TAF1: variants seen among roughly 807,000 people sequenced by gnomAD.
TAF1 encodes TATA-box binding protein associated factor 1.
A neutral mutation model predicts 138.5 loss-of-function variants in TAF1; 2 were observed. The observed-to-expected ratio is 0.01, with a 90% CI of 0.01 to 0.05. The LOEUF (loss-of-function observed/expected upper bound fraction) is 0.05, where lower values mean the gene tolerates loss of function less well. Ranked by LOEUF, TAF1 falls within the 10% of genes least tolerant of loss-of-function variation. The probability of loss-of-function intolerance (pLI) is 1.00; values close to 1 mark genes in which losing one functional copy is unlikely to be tolerated. For synonymous variants in TAF1, 437 were observed against 503.2 expected, an observed-to-expected ratio of 0.87 and a Z score of 1.76; for missense variants, 709 against 1,478.0, an observed-to-expected ratio of 0.48 and a Z score of 8.53.
intron 3 of TAF1, among the ~76,000 whole-genome samples, chrX:71,371,418 G>T (rs893195115): frequency 2.7e-5 from 3 of 111,606 alleles, no homozygotes; most frequent in Non-Finnish European, 5.6e-5. Flanking sequence ...GCAAGGTTTG[G>T]TGGAGAAGGA....
Position 71,459,584 on chromosome X carries a change from TGAAGAG to T in TAF1, c.5102_5107del (p.Glu1701_Glu1702del). 1 of 1,210,733 alleles carries T rather than the reference TGAAGAG, an allele frequency of 8.3e-7. No homozygotes were observed. On this transcript the variant is annotated inframe_deletion, in exon 36 of 38. Coordinates refer to ENST00000423759, the MANE Select transcript of TAF1 (RefSeq NM_004606.5). ...AAGATGGAGATGGTGATCTTGCAGA[TGAAGAG>T]GAAGGAACTGTACAACAGCCTCAAG...
chrX:71,432,656 A>G (rs1029464860), intron 32 of TAF1, among the ~76,000 whole-genome samples: 1 of 110,607 alleles, frequency 9.0e-6, no homozygotes, highest in Non-Finnish European at 1.9e-5. Context: ...AATTGAGGGT[A>G]TTAGCAAAAA....
chrX:71,374,944 G>T (rs1450707981), intron 3 of TAF1, among the ~76,000 whole-genome samples: 2 of 108,921 alleles, frequency 1.8e-5, no homozygotes, highest in African/African-American at 6.7e-5. Flanking sequence ...AATTAGCTGG[G>T]CGTGGTGGCA....
rs762112658 is a variant in TAF1 at position 71,460,792 on chromosome X, T to C, written c.5388T>C (p.Asp1796=). 4 of 1,187,491 alleles carry C rather than the reference T, an allele frequency of 3.4e-6. No homozygotes were observed. The East Asian group carries it at 1.2e-4, about 36-fold the overall frequency. ...DGGEASHGLE[D]SNISYGSYEE... ...GGGAGGCTTCCCATGGTTTGGAGGATAGCAACATCAGGTAATCGACAGCAA... is the reference window on the plus strand; with the variant it reads ...GGGAGGCTTCCCATGGTTTGGAGGACAGCAACATCAGGTAATCGACAGCAA... The change falls in exon 37 of 38, where the codon GAT becomes GAC. Residue 1796 remains aspartate (D), a synonymous_variant. Transcript: ENST00000423759.
chrX:71,388,132 A>G (rs1025904339), intron 15 of TAF1, 105 bp from the exon 16 acceptor site: 19 of 1,080,910 alleles, frequency 1.8e-5, no homozygotes, highest in East Asian at 3.2e-5. Flanking sequence ...TTGGGAGCAC[A>G]TCGGGAAAGA....
intron 13 of TAF1, among the ~76,000 whole-genome samples, chrX:71,520,552 G>A (rs1340396083): frequency 1.3e-5 from 1 of 78,832 alleles, no homozygotes; most frequent in Non-Finnish European, 2.4e-5. Context: ...TGTGGGGGTG[G>A]GCACCTGTAA....
intron 5 of TAF1, 41 bp from the exon 6 acceptor site, chrX:71,377,562 G>T (rs1420250523): frequency 1.7e-6 from 2 of 1,182,822 alleles, no homozygotes; most frequent in East Asian, 3.0e-5. Context: ...TTTCCCATCT[G>T]ACTTTGAGTC....
At chrX:71,432,073 G>GT (rs2036918607) in intron 32 of TAF1, among the ~76,000 whole-genome samples, 1 of 111,301 alleles carries the variant, frequency 9.0e-6, no homozygotes, top group South Asian at 3.8e-4. Context: ...GTTATTAGAA[G>GT]TTATTAGAGG....
At chrX:71,381,646 A>G in intron 8 of TAF1, 97 bp from the exon 9 acceptor site, 2 of 970,296 alleles carry the variant, frequency 2.1e-6, no homozygotes, top group Non-Finnish European at 2.9e-6. Context: ...AACTCGCTCT[A>G]CTAACATGAG....
At chrX:71,459,778 C>T (rs1316162612) in intron 36 of TAF1, 70 bp downstream of exon 36, 10 of 1,165,635 alleles carry the variant, frequency 8.6e-6, no homozygotes, top group Admixed American at 2.6e-5. Flanking sequence ...ACTGGATAGG[C>T]GCTCTTGGCC....
intron 13 of TAF1, among the ~76,000 whole-genome samples, chrX:71,474,990 C>T (rs968360174): frequency 9.0e-6 from 1 of 111,531 alleles, no homozygotes; most frequent in Admixed American, 9.6e-5. Context: ...GAGTGGAATT[C>T]TTCCAGGTTT....
Position 71,460,762 on chromosome X carries a change from C to T in TAF1, c.5358C>T (p.Asp1786=), listed in dbSNP as rs769031881. ...NEESMMSYEG[D]GGEASHGLED... ...AAAGCATGATGTCCTATGAGGGAGA[C>T]GGTGGGGAGGCTTCCCATGGTTTGG... is the stretch of plus-strand genomic sequence containing the variant. Residue 1786 remains aspartate (D), a synonymous_variant, in exon 37 of 38, where the codon GAC becomes GAT. Coordinates refer to ENST00000423759, the MANE Select transcript of TAF1 (RefSeq NM_004606.5). The T allele has an allele frequency of 6.7e-6, 8 of 1,198,809 alleles. No individual in the cohort carries two copies. Among genetic ancestry groups the T allele is most frequent in the Middle Eastern group, 2.3e-4 (1 of 4,337 alleles).
chrX:71,419,937 C>G (rs1454818668), intron 28 of TAF1: 8 of 216,553 alleles, frequency 3.7e-5, no homozygotes, highest in South Asian at 2.9e-4. Flanking sequence ...GGGATTCTCC[C>G]CCCCTTCCAC....
At chrX:71,371,188 T>A (rs943899018) in intron 3 of TAF1, among the ~76,000 whole-genome samples, 1 of 111,917 alleles carries the variant, frequency 8.9e-6, no homozygotes, top group African/African-American at 3.2e-5. Flanking sequence ...AGGAGGATGC[T>A]ACATTTGACA....
At chrX:71,491,672 T>G (rs1333851199) in intron 13 of TAF1, 1 of 101,964 alleles carries the variant, frequency 9.8e-6, no homozygotes, top group Admixed American at 1.0e-4. Context: ...TTTTTTTTTT[T>G]TTTTTTTGAG....
intron 13 of TAF1, among the ~76,000 whole-genome samples, chrX:71,514,606 T>C (rs967134473): frequency 2.7e-5 from 3 of 110,941 alleles, no homozygotes; most frequent in Non-Finnish European, 5.7e-5. Context: ...CTTCAAGATC[T>C]GGTGCTTTGT....
chrX:71,528,645 A>G lies in TAF1; in HGVS notation c.*94A>G, dbSNP rs777894440. 2.7e-5 allele frequency: 9 copies of G among 329,672 alleles called. 1 individual carries two copies. Among genetic ancestry groups the G allele is most frequent in the South Asian group, 2.3e-4 (9 of 38,416 alleles). The allele number at this position is 329,672 out of a possible 1,213,427, so 27.2% of individuals were successfully genotyped here. The stretch of plus-strand genomic sequence containing the variant: ...TCAGCTTTGGGGATAGAATTCCCAG[A>G]AACATCTGTGTCCGGAGTTGGTTCC... On this transcript the variant is annotated 3_prime_UTR_variant and NMD_transcript_variant, in exon 14 of 15. Transcript: ENST00000373775.
chrX:71,434,665 G>A (rs772044090), intron 32 of TAF1, among the ~76,000 whole-genome samples: 2 of 111,998 alleles, frequency 1.8e-5, no homozygotes, highest in African/African-American at 6.5e-5. Context: ...TGGACTGTAC[G>A]CTAATTATAG....
At chrX:71,387,573 T>C (rs2034303533) in intron 15 of TAF1, 112 bp downstream of exon 15, 1 of 876,921 alleles carries the variant, frequency 1.1e-6, no homozygotes, top group Non-Finnish European at 1.6e-6. Context: ...CCGCGGTGAA[T>C]GGATCACTTG....
Sources: gnomAD v4.1 joint callset for allele counts (sites outside exome capture counted in the v4.1 genomes callset) on GRCh38, gnomAD v4.1.1 for gene constraint, MANE v1.5 for transcripts, NCBI Gene and HGNC (gene_info 2026-07-23, HGNC 2026-07-21) for gene names.